CSMD1: variants seen among roughly 807,000 people sequenced by gnomAD.
The protein encoded by CSMD1 is CUB and Sushi multiple domains 1.
In CSMD1, 213 loss-of-function variants were observed where a neutral mutation model predicts 417.5. The observed-to-expected ratio is 0.51, with a 90% CI of 0.46 to 0.57. The LOEUF is 0.57. Among genes scored for constraint, CSMD1 ranks in the 20% least tolerant of loss-of-function variants. The pLI is 0.00. For missense variants in CSMD1, 6,923 were observed against 4,529.7 expected (o/e 1.53, Z -15.17); for synonymous variants, 2,862 against 1,736.8 (o/e 1.65, Z -16.11).
At chr8:3,520,039 T>TATATATATATATATATATATATACACAC (rs545212684) in intron 10 of CSMD1, among the ~76,000 whole-genome samples, 55 of 147,166 alleles carry the variant, frequency 3.7e-4, no homozygotes, top group African/African-American at 1.4e-3. Context: ...TATATATATA[T>TATATATATATATATATATATATACACAC]ACACGTATAG....
At chr8:3,523,998 CAT>C (rs1437069230) in intron 10 of CSMD1, among the ~76,000 whole-genome samples, 30 of 149,798 alleles carry the variant, frequency 2.0e-4, no homozygotes, top group African/African-American at 5.9e-4. Flanking sequence ...CCCAGAGACA[CAT>C]ATGCACACAT....
chr8:3,607,892 A>C (rs1182197900), intron 8 of CSMD1, among the ~76,000 whole-genome samples: 2 of 152,196 alleles, frequency 1.3e-5, no homozygotes, highest in African/African-American at 4.8e-5. Context: ...GGAAGTAGCC[A>C]GGCACAGTGG....
At chr8:4,566,584 T>G (rs909614246) in intron 2 of CSMD1, among the ~76,000 whole-genome samples, 1 of 125,624 alleles carries the variant, frequency 8.0e-6, no homozygotes, top group Admixed American at 1.0e-4. Flanking sequence ...ACCCAGGAGG[T>G]GGAGCTTGCA....
chr8:3,599,212 C>A (rs1221562119), intron 8 of CSMD1, among the ~76,000 whole-genome samples: 1 of 150,294 alleles, frequency 6.7e-6, no homozygotes, highest in Admixed American at 6.6e-5. Context: ...ATTTAAAGGT[C>A]CTAAATGATA....
chr8:2,955,037 T>G (rs1291754144), intron 64 of CSMD1, among the ~76,000 whole-genome samples: 3 of 152,346 alleles, frequency 2.0e-5, no homozygotes, highest in East Asian at 3.9e-4. Context: ...GGCTGATGAC[T>G]CTCACTTGTA....
At chr8:3,628,449 T>C (rs1274164656) in intron 7 of CSMD1, among the ~76,000 whole-genome samples, 2 of 152,190 alleles carry the variant, frequency 1.3e-5, no homozygotes, top group Non-Finnish European at 2.9e-5. Flanking sequence ...AAGTCATGAA[T>C]TTGAATTATT....
chr8:4,353,243 G>A (rs1168963968), intron 3 of CSMD1, among the ~76,000 whole-genome samples: 1 of 152,068 alleles, frequency 6.6e-6, no homozygotes, highest in Non-Finnish European at 1.5e-5. Flanking sequence ...CCCCCAGACT[G>A]TTCTTCTGGT....
chr8:4,354,865 AGTGTGT>A (rs59255397), intron 3 of CSMD1, among the ~76,000 whole-genome samples: 4,205 of 129,452 alleles, frequency 0.032, 192 homozygotes, highest in African/African-American at 0.11. Context: ...AGGAAAATGT[AGTGTGT>A]GTGTGTGTGT....
At chr8:4,302,770 G>T (rs1425424847) in intron 3 of CSMD1, among the ~76,000 whole-genome samples, 1 of 152,094 alleles carries the variant, frequency 6.6e-6, no homozygotes, top group African/African-American at 2.4e-5. Context: ...ACTGAGTCCA[G>T]GTAGAGTTGG....
intron 3 of CSMD1, among the ~76,000 whole-genome samples, chr8:4,326,980 G>T (rs1238327091): frequency 2.0e-5 from 3 of 152,082 alleles, no homozygotes; most frequent in African/African-American, 7.2e-5. Flanking sequence ...GTTAATGAAG[G>T]AACCTGAGAA....
intron 12 of CSMD1, among the ~76,000 whole-genome samples, chr8:3,441,988 G>A (rs1563393503): frequency 6.6e-6 from 1 of 151,888 alleles, no homozygotes; most frequent in Non-Finnish European, 1.5e-5. Context: ...TGTGGAGGCG[G>A]AAGACAGTGT....
intron 3 of CSMD1, among the ~76,000 whole-genome samples, chr8:4,315,674 T>A (rs1005125825): frequency 2.6e-5 from 4 of 151,952 alleles, no homozygotes; most frequent in African/African-American, 7.3e-5. Flanking sequence ...AGCATAAATA[T>A]GATGATTATA....
In CSMD1 at chr8:3,241,600, G is replaced by C. The variant is rs1042044646; in HGVS notation, c.4154-11369C>G. Among the ~76,000 whole-genome samples the C allele has an allele frequency of 3.3e-5, 5 of 152,270 alleles. No individual in the cohort carries two copies. In the East Asian group the frequency reaches 5.8e-4, roughly 18 times the overall value. ...ACAGTCTGATTTTCAGTGGGGTCCT[G>C]CACAGACGGGACACGGTTTAGGAGG... On this transcript the variant is annotated intron_variant, in intron 26 of 69. Coordinates refer to ENST00000635120, the MANE Select transcript of CSMD1 (RefSeq NM_033225.6).
At chr8:4,580,152 C>T (rs1799343112) in intron 2 of CSMD1, among the ~76,000 whole-genome samples, 1 of 152,118 alleles carries the variant, frequency 6.6e-6, no homozygotes, top group African/African-American at 2.4e-5. Context: ...CTGACTGTAC[C>T]AGGCACTGCT....
In CSMD1 at chr8:3,050,045, T is replaced by A. The variant is rs1426453365; in HGVS notation, c.7660+2417A>T. ...TCTCAGATAGTATACAAATTTAAAGTGGGTTTTCCTTTAAAACATGGCATA... is the reference window on the plus strand; with the variant it reads ...TCTCAGATAGTATACAAATTTAAAGAGGGTTTTCCTTTAAAACATGGCATA... On this transcript the variant is annotated intron_variant, in intron 50 of 69. Coordinates refer to ENST00000635120, the MANE Select transcript of CSMD1 (RefSeq NM_033225.6). Among the ~76,000 whole-genome samples the A allele has an allele frequency of 4.6e-5, 7 of 151,436 alleles. No homozygotes were observed. In the East Asian group the frequency reaches 9.8e-4, roughly 21 times the overall value.
intron 23 of CSMD1, among the ~76,000 whole-genome samples, chr8:3,326,694 G>A (rs951047196): frequency 6.6e-6 from 1 of 152,096 alleles, no homozygotes; most frequent in African/African-American, 2.4e-5. Context: ...TTTCCTCTTA[G>A]GTACTCTCAG....
chr8:3,218,579 A>T (rs1249613539), intron 29 of CSMD1, among the ~76,000 whole-genome samples: 3 of 150,420 alleles, frequency 2.0e-5, no homozygotes, highest in Non-Finnish European at 3.0e-5. Context: ...AAAAAAAAAG[A>T]AATTATTTTT....
At chr8:3,644,317 C>G (rs1402022485) in intron 7 of CSMD1, among the ~76,000 whole-genome samples, 1 of 152,178 alleles carries the variant, frequency 6.6e-6, no homozygotes, top group Non-Finnish European at 1.5e-5. Flanking sequence ...TTGCTGAAAG[C>G]ATAGGTCTTA....
At chr8:4,679,927 A>C (rs1007335982) in intron 1 of CSMD1, among the ~76,000 whole-genome samples, 8 of 152,200 alleles carry the variant, frequency 5.3e-5, no homozygotes, top group African/African-American at 1.9e-4. Flanking sequence ...TTCCCAAATT[A>C]ATTGCAAGTT....
Sources: gnomAD v4.1 joint callset for allele counts (sites outside exome capture counted in the v4.1 genomes callset) on GRCh38, gnomAD v4.1.1 for gene constraint, MANE v1.5 for transcripts, NCBI Gene and HGNC (gene_info 2026-07-23, HGNC 2026-07-21) for gene names.